Variants in DDX31 observed in about 807,000 individuals in gnomAD.
DDX31 encodes ATP-dependent DNA helicase DDX31.
A neutral mutation model predicts 91.3 loss-of-function variants in DDX31; 70 were observed. That is an observed-to-expected ratio of 0.77 (90% CI 0.63 to 0.94). The LOEUF (loss-of-function observed/expected upper bound fraction) is 0.94. Among genes scored for constraint, DDX31 ranks in the 40% least tolerant of loss-of-function variants. The pLI is 0.00. For missense variants in DDX31, 902 were observed against 925.0 expected (o/e 0.98, Z 0.32); for synonymous variants, 362 against 350.6 (o/e 1.03, Z -0.36).
chr9:132,653,528 A>AAAAAAAAAAAAAAAAAAAAC, intron 6 of DDX31, among the ~76,000 whole-genome samples: 1 of 142,516 alleles, frequency 7.0e-6, no homozygotes, highest in Non-Finnish European at 1.5e-5. Context: ...AAAAAAAAAA[A>AAAAAAAAAAAAAAAAAAAAC]AAAAAAATTT....
intron 6 of DDX31, among the ~76,000 whole-genome samples, chr9:132,655,174 T>C (rs1230644608): frequency 1.3e-5 from 2 of 152,164 alleles, no homozygotes; most frequent in African/African-American, 4.8e-5. Flanking sequence ...TTTTACAGAC[T>C]GTAGAGTATT....
At chr9:132,665,296 C>T (rs79371174) in intron 1 of DDX31, among the ~76,000 whole-genome samples, 1 of 152,276 alleles carries the variant, frequency 6.6e-6, no homozygotes, top group East Asian at 1.9e-4. Context: ...CCCCAGCATC[C>T]AAAACACATT....
At chr9:132,623,962 C>T (rs1435292645) in intron 17 of DDX31, among the ~76,000 whole-genome samples, 4 of 151,940 alleles carry the variant, frequency 2.6e-5, no homozygotes, top group East Asian at 3.9e-4. Context: ...GTCAGGAGTT[C>T]GAGACCAGCC....
intron 1 of DDX31, among the ~76,000 whole-genome samples, chr9:132,664,166 C>T (rs1302136417): frequency 6.6e-6 from 1 of 152,232 alleles, no homozygotes; most frequent in Non-Finnish European, 1.5e-5. Flanking sequence ...TGAACATCTA[C>T]CTAATAGTCT....
At chr9:132,647,932 C>T (rs1257794224) in intron 11 of DDX31, among the ~76,000 whole-genome samples, 1 of 152,134 alleles carries the variant, frequency 6.6e-6, no homozygotes, top group African/African-American at 2.4e-5. Flanking sequence ...CAATAGCAGC[C>T]AGTCTTTTCT....
chr9:132,602,537 G>A (rs1830775824), intron 19 of DDX31, among the ~76,000 whole-genome samples: 1 of 152,132 alleles, frequency 6.6e-6, no homozygotes, highest in Non-Finnish European at 1.5e-5. Context: ...AGGAATGTTG[G>A]CTTCAAAACC....
rs543695351 is a variant in DDX31, at chr9:132,669,754, C to T, written c.75+106G>A. ...TGCCCGGTGTCTTTCTCCCGCTTAA[C>T]TCCGTGAATGACTCGAAACCCGACT... On this transcript the variant is annotated intron_variant, in intron 1 of 19. Transcript: ENST00000372159. 3.3e-5 allele frequency: 50 copies of T among 1,525,774 alleles called. No individual in the cohort carries two copies. The African/African-American group carries it at 6.2e-4, about 19-fold the overall frequency. The allele number at this position is 1,525,774 out of a possible 1,614,324, so 94.5% of individuals were successfully genotyped here. A position where few individuals can be genotyped will look rare whatever the true frequency, so the allele number is the denominator to read the frequency against.
intron 19 of DDX31, 104 bp downstream of exon 19, chr9:132,611,983 G>A (rs1482082613): frequency 2.1e-6 from 3 of 1,432,492 alleles, no homozygotes; most frequent in Non-Finnish European, 2.8e-6. Context: ...GAGAAGGGCA[G>A]GTATGAGTGA....
At chr9:132,609,873 G>T (rs146735449) in intron 19 of DDX31, among the ~76,000 whole-genome samples, 1 of 152,244 alleles carries the variant, frequency 6.6e-6, no homozygotes, top group Non-Finnish European at 1.5e-5. Context: ...ACCCGCCTCG[G>T]CCTCCCAAAG....
At chr9:132,652,637 G>T in intron 6 of DDX31, 145 bp from the exon 7 acceptor site, 1 of 991,448 alleles carries the variant, frequency 1.0e-6, no homozygotes, top group Non-Finnish European at 1.5e-6. Flanking sequence ...CACTGATGTG[G>T]TCTGGCTGTG....
At chr9:132,637,869 G>GA in intron 14 of DDX31, 1 of 987,162 alleles carries the variant, frequency 1.0e-6, no homozygotes, top group Non-Finnish European at 1.2e-6. Context: ...AGAAAAGCAC[G>GA]AAAGTCTACA....
rs374961217 is a variant in DDX31, at chr9:132,594,576, G to A, written c.*290C>T. 14 of 307,484 alleles carry A rather than the reference G, an allele frequency of 4.6e-5. No individual in the cohort carries two copies. The highest frequency in any genetic ancestry group is 2.1e-4 in the East Asian group (3 of 14,426). The allele number at this position is 307,484 out of a possible 1,614,324, so 19.0% of individuals were successfully genotyped here. A position where few individuals can be genotyped will look rare whatever the true frequency, so the allele number is the denominator to read the frequency against. Reference sequence around the variant, plus strand: ...CATCCCGGGGTGCCAGCTCAACCCCGGCACGTCAGCACCTGGGTGAAGGGA... The same window carrying A: ...CATCCCGGGGTGCCAGCTCAACCCCAGCACGTCAGCACCTGGGTGAAGGGA... On this transcript the variant is annotated 3_prime_UTR_variant, in exon 20 of 20. Coordinates refer to ENST00000372159, the MANE Select transcript of DDX31 (RefSeq NM_022779.9).
chr9:132,636,354 C>G (rs111417910), intron 14 of DDX31, among the ~76,000 whole-genome samples: 8 of 152,260 alleles, frequency 5.3e-5, no homozygotes, highest in Admixed American at 2.0e-4. Flanking sequence ...TGAGTTCTTA[C>G]ATCTGCAAAG....
chr9:132,628,432 C>T (rs566792668), intron 16 of DDX31, among the ~76,000 whole-genome samples: 11 of 152,320 alleles, frequency 7.2e-5, no homozygotes, highest in African/African-American at 2.2e-4. Context: ...TTTTTCCAGA[C>T]AAGATCATCA....
chr9:132,634,583 ATG>A (rs1319660870), intron 14 of DDX31, among the ~76,000 whole-genome samples: 2,175 of 103,822 alleles, frequency 0.021, 59 homozygotes, highest in African/African-American at 0.062. Context: ...TGTACCTAAG[ATG>A]TTTTTTTTTT....
At chr9:132,661,315 A>G in intron 3 of DDX31, 64 bp from the exon 4 acceptor site, 1 of 1,314,236 alleles carries the variant, frequency 7.6e-7, no homozygotes, top group South Asian at 1.2e-5. Context: ...CGGAAATTAC[A>G]CAAGAAAGGA....
At chr9:132,644,586 T>G (rs1216556193) in intron 13 of DDX31, among the ~76,000 whole-genome samples, 1 of 152,162 alleles carries the variant, frequency 6.6e-6, no homozygotes, top group Non-Finnish European at 1.5e-5. Flanking sequence ...ATGAACAGCC[T>G]CTGTATAATG....
intron 19 of DDX31, among the ~76,000 whole-genome samples, chr9:132,601,339 T>A (rs1275323088): frequency 6.6e-6 from 1 of 152,222 alleles, no homozygotes; most frequent in East Asian, 1.9e-4. Flanking sequence ...CTGTCACATA[T>A]GCAAATGGAC....
chr9:132,661,606 C>T (rs11243870), intron 3 of DDX31, among the ~76,000 whole-genome samples: 14,638 of 152,162 alleles, frequency 0.096, 838 homozygotes, highest in Admixed American at 0.17. Flanking sequence ...GCTGAGAAAC[C>T]CTGATCCACC....
Sources: gnomAD v4.1 joint callset for allele counts (sites outside exome capture counted in the v4.1 genomes callset) on GRCh38, gnomAD v4.1.1 for gene constraint, MANE v1.5 for transcripts, NCBI Gene and HGNC (gene_info 2026-07-23, HGNC 2026-07-21) for gene names.